Variants in PPP6R3 observed in about 807,000 individuals in gnomAD.
PPP6R3 encodes the protein serine/threonine-protein phosphatase 6 regulatory subunit 3.
Under a neutral mutation model 110.7 loss-of-function variants are expected in PPP6R3, and 38 were observed. That is an observed-to-expected ratio of 0.34 (90% CI 0.26 to 0.45). The LOEUF is 0.45. Ranked by LOEUF, PPP6R3 falls within the 20% of genes least tolerant of loss-of-function variation. PPP6R3 has a pLI of 1.00. For missense variants in PPP6R3, 870 were observed against 1,062.4 expected, an observed-to-expected ratio of 0.82 and a Z score of 2.52; for synonymous variants, 369 against 373.5, an observed-to-expected ratio of 0.99 and a Z score of 0.14.
intron 7 of PPP6R3, among the ~76,000 whole-genome samples, chr11:68,557,423 C>T (rs1165781897): frequency 6.6e-6 from 1 of 152,204 alleles, no homozygotes; most frequent in African/African-American, 2.4e-5. Context: ...ACAGCTATAC[C>T]TTGGGATGAG....
chr11:68,613,331 C>A lies in PPP6R3; in HGVS notation c.*214C>A. 1 of 1,326,928 alleles carries A rather than the reference C, an allele frequency of 7.5e-7. No individual in the cohort carries two copies. The highest frequency in any genetic ancestry group is 2.0e-5 in the South Asian group (1 of 49,618). 82.2% of individuals were successfully genotyped at this position (1,326,928 alleles called of 1,614,324 possible). A position where few individuals can be genotyped will look rare whatever the true frequency, so the allele number is the denominator to read the frequency against. ...CATTGACAAATACCAAGAATTTTTG[C>A]GTATGTTTATATTGTATTGTTCTAA... On this transcript the variant is annotated 3_prime_UTR_variant, in exon 24 of 24. Coordinates refer to ENST00000393800, the MANE Select transcript of PPP6R3 (RefSeq NM_001164161.2).
At chr11:68,496,512 A>C (rs2099017090) in intron 1 of PPP6R3, among the ~76,000 whole-genome samples, 1 of 150,712 alleles carries the variant, frequency 6.6e-6, no homozygotes, top group South Asian at 2.1e-4. Flanking sequence ...TTACTCTGTC[A>C]CCCAGGCTGG....
chr11:68,569,358 T>C (rs2099493419), intron 10 of PPP6R3, among the ~76,000 whole-genome samples: 1 of 152,222 alleles, frequency 6.6e-6, no homozygotes, highest in African/African-American at 2.4e-5. Flanking sequence ...ACCCTATATA[T>C]ACTATGTGTT....
intron 3 of PPP6R3, among the ~76,000 whole-genome samples, chr11:68,542,637 A>T (rs1170007762): frequency 1.3e-5 from 2 of 151,856 alleles, no homozygotes; most frequent in African/African-American, 4.8e-5. Flanking sequence ...CTGGTGATCC[A>T]TCCATCTTGG....
At chr11:68,537,446 ATTT>A (rs1170357817) in intron 2 of PPP6R3, among the ~76,000 whole-genome samples, 2 of 152,180 alleles carry the variant, frequency 1.3e-5, no homozygotes, top group Admixed American at 1.3e-4. Flanking sequence ...TCAAGTCAAA[ATTT>A]TTTATCTATT....
intron 6 of PPP6R3, among the ~76,000 whole-genome samples, chr11:68,552,963 G>C (rs1214665840): frequency 6.6e-6 from 1 of 152,228 alleles, no homozygotes; most frequent in Admixed American, 6.5e-5. Flanking sequence ...GGACAGTCCT[G>C]TTGACACTTC....
At position 68,478,647 on chromosome 11, in the gene PPP6R3, G is replaced by GTTTTTCTT. The variant is rs2098860647; in HGVS notation, c.-158+17825_-158+17826insCTTTTTTT. Among the ~76,000 whole-genome samples the GTTTTTCTT allele has an allele frequency of 1.7e-3, 84 of 50,512 alleles. 7 individuals are homozygous for GTTTTTCTT. The highest frequency in any genetic ancestry group is 1.3e-3 in the Non-Finnish European group (42 of 31,748). The allele number at this position is 50,512 out of a possible 152,430, so 33.1% of individuals were successfully genotyped here. ...ACTGATGAGTTAGTGCACTTGGTAAGTTTTTTTTTTTTTTTTTTTTTTTTT... is the reference window on the plus strand; with the variant it reads ...ACTGATGAGTTAGTGCACTTGGTAAGTTTTTCTTTTTTTTTTTTTTTTTTTTTTTTTTT... On this transcript the variant is annotated intron_variant, in intron 1 of 23. Coordinates refer to ENST00000393800, the MANE Select transcript of PPP6R3 (RefSeq NM_001164161.2).
intron 22 of PPP6R3, among the ~76,000 whole-genome samples, chr11:68,607,026 C>T (rs1940491873): frequency 6.6e-6 from 1 of 152,068 alleles, no homozygotes; most frequent in Non-Finnish European, 1.5e-5. Context: ...GATCTTAACC[C>T]AAGTCTCTAT....
chr11:68,472,708 A>G (rs915488246), intron 1 of PPP6R3, among the ~76,000 whole-genome samples: 6 of 152,082 alleles, frequency 3.9e-5, no homozygotes, highest in African/African-American at 1.2e-4. Flanking sequence ...GGATTTTAAT[A>G]TATTCACAGA....
At chr11:68,559,355 TTTC>T (rs2099410556) in intron 8 of PPP6R3, among the ~76,000 whole-genome samples, 1 of 152,278 alleles carries the variant, frequency 6.6e-6, no homozygotes, top group African/African-American at 2.4e-5. Flanking sequence ...TTATCAGAGT[TTTC>T]TAACTGCTCT....
chr11:68,595,037 C>A (rs775855597), intron 18 of PPP6R3, among the ~76,000 whole-genome samples: 3 of 152,004 alleles, frequency 2.0e-5, no homozygotes, highest in Non-Finnish European at 4.4e-5. Context: ...TGAACTGATT[C>A]GTACCTCTTA....
At chr11:68,606,860 T>G (rs555921739) in intron 22 of PPP6R3, among the ~76,000 whole-genome samples, 8 of 152,324 alleles carry the variant, frequency 5.3e-5, no homozygotes, top group African/African-American at 1.9e-4. Flanking sequence ...ACCAAGTCAG[T>G]AGCAAACTTG....
At chr11:68,560,979 C>G (rs914524916) in intron 8 of PPP6R3, among the ~76,000 whole-genome samples, 3 of 148,646 alleles carry the variant, frequency 2.0e-5, no homozygotes, top group African/African-American at 7.5e-5. Flanking sequence ...TCACTGCAAG[C>G]TCCGCCTCCT....
intron 1 of PPP6R3, among the ~76,000 whole-genome samples, chr11:68,493,246 G>A (rs1257244875): frequency 6.6e-6 from 1 of 152,094 alleles, no homozygotes; most frequent in East Asian, 1.9e-4. Context: ...TTACATATGG[G>A]AAGGATAACA....
chr11:68,529,961 T>C (rs2099227750), intron 2 of PPP6R3, among the ~76,000 whole-genome samples: 1 of 152,194 alleles, frequency 6.6e-6, no homozygotes, highest in Admixed American at 6.5e-5. Flanking sequence ...CCACTGGCCA[T>C]GTGTAACTCT....
chr11:68,489,934 T>A (rs1039358577), intron 1 of PPP6R3, among the ~76,000 whole-genome samples: 1 of 152,220 alleles, frequency 6.6e-6, no homozygotes, highest in Non-Finnish European at 1.5e-5. Context: ...ATTTTACTTA[T>A]AAGCACGCAT....
At chr11:68,593,826 C>G (rs1482982778) in intron 18 of PPP6R3, among the ~76,000 whole-genome samples, 1 of 151,864 alleles carries the variant, frequency 6.6e-6, no homozygotes, top group Non-Finnish European at 1.5e-5. Flanking sequence ...TGAGACCAGC[C>G]TAGGCAACAT....
At chr11:68,552,935 A>T (rs752792522) in intron 6 of PPP6R3, among the ~76,000 whole-genome samples, 1 of 152,228 alleles carries the variant, frequency 6.6e-6, no homozygotes, top group Non-Finnish European at 1.5e-5. Context: ...ACTTAGAAGA[A>T]AGTTAATTTT....
intron 1 of PPP6R3, among the ~76,000 whole-genome samples, chr11:68,485,924 C>A (rs1270748807): frequency 6.6e-6 from 1 of 151,794 alleles, no homozygotes; most frequent in African/African-American, 2.4e-5. Context: ...AATCTCAACA[C>A]TTTGGGAGGC....
Sources: allele counts gnomAD v4.1 joint callset (sites outside exome capture counted in the v4.1 genomes callset), GRCh38; gene constraint gnomAD v4.1.1; transcripts MANE v1.5; gene names NCBI Gene and HGNC (gene_info 2026-07-23, HGNC 2026-07-21).